The following RXRA variants were observed in gnomAD, a reference collection of about 807,000 sequenced individuals.
RXRA encodes the protein retinoid X receptor alpha.
In RXRA, 5 loss-of-function variants were observed where a neutral mutation model predicts 44.5. The ratio of observed to expected loss-of-function variants is 0.11; its 90% confidence interval spans 0.06 to 0.24. The LOEUF (loss-of-function observed/expected upper bound fraction) is 0.24, where lower values mean the gene tolerates loss of function less well. Among genes scored for constraint, RXRA ranks in the 10% least tolerant of loss-of-function variants. The pLI is 1.00. For missense variants in RXRA, 412 were observed against 646.5 expected (o/e 0.64, Z 3.93); for synonymous variants, 291 against 271.4 (o/e 1.07, Z -0.71).
chr9:134,357,054 C>CA (rs1830292159), intron 1 of RXRA, among the ~76,000 whole-genome samples: 1 of 152,196 alleles, frequency 6.6e-6, no homozygotes, highest in South Asian at 2.1e-4. Flanking sequence ...AGAAGCAGAA[C>CA]AAAAGAAAAG....
At chr9:134,327,001 G>T (rs1554746111) in intron 1 of RXRA, among the ~76,000 whole-genome samples, 1 of 151,670 alleles carries the variant, frequency 6.6e-6, no homozygotes, top group Non-Finnish European at 1.5e-5. Flanking sequence ...CGGCCGGAGC[G>T]GGAGGAGCAA....
intron 1 of RXRA, among the ~76,000 whole-genome samples, chr9:134,328,230 GTGTCTGGCCCC>G (rs1409559994): frequency 2.0e-5 from 3 of 152,226 alleles, no homozygotes; most frequent in Admixed American, 6.5e-5. Context: ...GCTCAGCTCA[GTGTCTGGCCCC>G]TGGACGTGGC....
chr9:134,378,214 C>G (rs1438304953), intron 1 of RXRA, among the ~76,000 whole-genome samples: 2 of 152,256 alleles, frequency 1.3e-5, no homozygotes. Flanking sequence ...CGGCTGCTTC[C>G]TGGGAGATGA....
intron 1 of RXRA, among the ~76,000 whole-genome samples, chr9:134,383,053 A>G (rs764373804): frequency 1.2e-4 from 18 of 152,260 alleles, no homozygotes; most frequent in Middle Eastern, 3.4e-3. Flanking sequence ...GCTGTGGGTG[A>G]TTGGGCAGAT....
At chr9:134,408,575 G>A (rs952642269) in intron 3 of RXRA, among the ~76,000 whole-genome samples, 1 of 152,238 alleles carries the variant, frequency 6.6e-6, no homozygotes, top group Non-Finnish European at 1.5e-5. Context: ...GGTCAGCATG[G>A]GGGCAGCCAG....
intron 1 of RXRA, among the ~76,000 whole-genome samples, chr9:134,381,354 C>A (rs1439980979): frequency 6.6e-6 from 1 of 152,072 alleles, no homozygotes; most frequent in Non-Finnish European, 1.5e-5. Flanking sequence ...TAGTGCTGAC[C>A]GCGCTGGGGC....
At chr9:134,330,176 G>A (rs548287683) in intron 1 of RXRA, among the ~76,000 whole-genome samples, 2 of 152,306 alleles carry the variant, frequency 1.3e-5, no homozygotes, top group African/African-American at 4.8e-5. Context: ...CAGACACAGG[G>A]CAGAGGCCCT....
chr9:134,421,890 C>A (rs1455423918), intron 6 of RXRA, 85 bp downstream of exon 6: 3 of 1,554,600 alleles, frequency 1.9e-6, no homozygotes, highest in African/African-American at 1.4e-5. Context: ...GGATACTCCG[C>A]ACTCCCGGGA....
intron 1 of RXRA, among the ~76,000 whole-genome samples, chr9:134,368,506 T>C (rs1250219694): frequency 1.3e-5 from 2 of 152,198 alleles, no homozygotes; most frequent in African/African-American, 4.8e-5. Flanking sequence ...CAAAAAGTCA[T>C]GTGTGCCGTT....
chr9:134,369,050 A>G (rs575432254), intron 1 of RXRA, among the ~76,000 whole-genome samples: 19 of 15,270 alleles, frequency 1.2e-3, no homozygotes, highest in South Asian at 2.6e-3. Context: ...TTATGTGTGT[A>G]TGGGGGGTTA....
At chr9:134,383,513 A>T (rs1830675943) in intron 1 of RXRA, among the ~76,000 whole-genome samples, 1 of 152,080 alleles carries the variant, frequency 6.6e-6, no homozygotes, top group South Asian at 2.1e-4. Context: ...ATGAGACCGC[A>T]CCACTTAGCT....
intron 2 of RXRA, chr9:134,403,301 G>T (rs1322536096): frequency 1.3e-5 from 2 of 152,248 alleles, no homozygotes; most frequent in Non-Finnish European, 2.9e-5. Flanking sequence ...AGAAGAACTG[G>T]GGCCTCTGCT....
intron 1 of RXRA, among the ~76,000 whole-genome samples, chr9:134,396,826 TCACTCGG>T (rs1830887007): frequency 1.3e-5 from 2 of 152,330 alleles, no homozygotes; most frequent in South Asian, 4.1e-4. Flanking sequence ...GGTGACCTGA[TCACTCGG>T]CCCCAGCCTG....
chr9:134,397,983 T>A (rs989595571), intron 1 of RXRA, among the ~76,000 whole-genome samples: 1 of 152,166 alleles, frequency 6.6e-6, no homozygotes, highest in Non-Finnish European at 1.5e-5. Context: ...TTTTTTATTT[T>A]TTATTTTTTT....
In RXRA at chr9:134,434,211, G is replaced by A. The variant is rs1188275339; in HGVS notation, c.1241+4G>A. ...AGTACCCAGAGCAGCCGGGAAGGTGGGTCCCGCCCCGTCCCACACACACCC... is the reference window on the plus strand; with the variant it reads ...AGTACCCAGAGCAGCCGGGAAGGTGAGTCCCGCCCCGTCCCACACACACCC... On this transcript the variant is annotated splice_donor_region_variant and intron_variant, in intron 9 of 9. Coordinates refer to ENST00000481739, the MANE Select transcript of RXRA (RefSeq NM_002957.6). 6.2e-7 allele frequency: 1 copy of A among 1,607,816 alleles called. No individual in the cohort carries two copies. The highest frequency in any genetic ancestry group is 2.2e-5 in the East Asian group (1 of 44,850).
chr9:134,401,457 C>G, intron 1 of RXRA, 175 bp from the exon 2 acceptor site: 2 of 971,684 alleles, frequency 2.1e-6, no homozygotes, highest in Non-Finnish European at 1.5e-6. Context: ...CTGGGCACAC[C>G]TGGCCCGTAG....
At chr9:134,402,968 T>C (rs1186888770) in intron 2 of RXRA, 1 of 152,226 alleles carries the variant, frequency 6.6e-6, no homozygotes, top group East Asian at 1.9e-4. Context: ...CAGCACCAGA[T>C]GTGTCCTGTG....
chr9:134,417,215 C>T lies in RXRA; in HGVS notation c.668C>T (p.Thr223Ile), dbSNP rs1446490841. 6.2e-7 allele frequency: 1 copy of T among 1,613,646 alleles called. No homozygotes were observed. Among genetic ancestry groups the T allele is most frequent in the Non-Finnish European group, 8.5e-7 (1 of 1,179,982 alleles). Residue 223 changes from threonine (T) to isoleucine (I), a missense_variant, in exon 5 of 10, where the codon ACC becomes ATC. Transcript: ENST00000481739. The surrounding 1 kb of genome is among the most constrained non-coding windows in gnomAD (Gnocchi z 6.1). ...KDRNENEVES[T>I]SSANEDMPVE... ...CGGAACGAGAATGAGGTGGAGTCGACCAGCAGCGCCAACGAGGACATGCCG... is the reference window on the plus strand; with the variant it reads ...CGGAACGAGAATGAGGTGGAGTCGATCAGCAGCGCCAACGAGGACATGCCG...
intron 6 of RXRA, chr9:134,423,573 C>A: frequency 1.0e-6 from 1 of 985,340 alleles, no homozygotes; most frequent in African/African-American, 1.7e-5. Flanking sequence ...ATACTGGGCC[C>A]CGCCGGAGGA....
Sources: gnomAD v4.1 joint callset for allele counts (sites outside exome capture counted in the v4.1 genomes callset) on GRCh38, gnomAD v4.1.1 for gene constraint, Gnocchi (gnomAD v3.1) non-coding constraint, MANE v1.5 for transcripts, NCBI Gene and HGNC (gene_info 2026-07-23, HGNC 2026-07-21) for gene names.